Variants in YTHDC1 observed in about 807,000 individuals in gnomAD.
YTHDC1 encodes YTH domain-containing protein 1.
Under a neutral mutation model 107.0 loss-of-function variants are expected in YTHDC1, and 12 were observed. That is an observed-to-expected ratio of 0.11 (90% CI 0.07 to 0.18). The LOEUF (loss-of-function observed/expected upper bound fraction) is 0.18, where lower values mean the gene tolerates loss of function less well. Among genes scored for constraint, YTHDC1 ranks in the 10% least tolerant of loss-of-function variants. The probability of loss-of-function intolerance (pLI) is 1.00; values close to 1 mark genes in which losing one functional copy is unlikely to be tolerated. For synonymous variants in YTHDC1, 280 were observed against 289.5 expected (o/e 0.97, Z 0.33); for missense variants, 635 against 898.8 (o/e 0.71, Z 3.75).
rs1721502886 is a variant in YTHDC1 at position 68,313,760 on chromosome 4, G to A, written c.*339C>T. The A allele has an allele frequency of 4.0e-6, 1 of 252,564 alleles. No individual in the cohort carries two copies. Among genetic ancestry groups the A allele is most frequent in the East Asian group, 8.6e-5 (1 of 11,602 alleles). 15.6% of individuals were successfully genotyped at this position (252,564 alleles called of 1,614,324 possible). A position where few individuals can be genotyped will look rare whatever the true frequency, so the allele number is the denominator to read the frequency against. On this transcript the variant is annotated 3_prime_UTR_variant, in exon 17 of 17. Coordinates refer to ENST00000344157, the MANE Select transcript of YTHDC1 (RefSeq NM_001031732.4). ...AAATATCATGGCAGTTATCAATCAA[G>A]ATCCAAAAAGGAAAAAAACAAACAA...
intron 1 of YTHDC1, among the ~76,000 whole-genome samples, chr4:68,343,062 C>G (rs1043106955): frequency 6.6e-6 from 1 of 152,010 alleles, no homozygotes; most frequent in Non-Finnish European, 1.5e-5. Flanking sequence ...ATTAGAAATG[C>G]CAGGTTAAGA....
Position 68,337,317 on chromosome 4 carries a change from GTGT to G in YTHDC1, c.590_592del (p.Asn197del). Reference sequence around the variant, plus strand: ...TTCCACTCCTTCCTCCTCATTCTCAGTGTTGTTCCCTTGCTCATCAGAAGAACC... The same window carrying G: ...TTCCACTCCTTCCTCCTCATTCTCAGTGTTCCCTTGCTCATCAGAAGAACC... On this transcript the variant is annotated inframe_deletion, in exon 4 of 17. Transcript: ENST00000344157. 2 of 1,613,090 alleles carry G rather than the reference GTGT, an allele frequency of 1.2e-6. No individual in the cohort carries two copies. Among genetic ancestry groups the G allele is most frequent in the Non-Finnish European group, 1.7e-6 (2 of 1,179,874 alleles).
chr4:68,345,265 T>G (rs909418161), intron 1 of YTHDC1, among the ~76,000 whole-genome samples: 1 of 152,172 alleles, frequency 6.6e-6, no homozygotes, highest in African/African-American at 2.4e-5. Context: ...CATTTTTTAC[T>G]GCAGAAGCTT....
At chr4:68,340,267 C>T (rs1176868292) in intron 1 of YTHDC1, among the ~76,000 whole-genome samples, 1 of 151,986 alleles carries the variant, frequency 6.6e-6, no homozygotes, top group African/African-American at 2.4e-5. Flanking sequence ...TATCATTTTC[C>T]TTTACATTTG....
intron 9 of YTHDC1, among the ~76,000 whole-genome samples, chr4:68,327,364 C>T (rs1402610753): frequency 6.6e-6 from 1 of 152,154 alleles, no homozygotes; most frequent in African/African-American, 2.4e-5. Flanking sequence ...TTTCATAGAT[C>T]ATGCCTTATT....
intron 1 of YTHDC1, among the ~76,000 whole-genome samples, chr4:68,339,517 A>G (rs1220467045): frequency 6.6e-6 from 1 of 152,234 alleles, no homozygotes; most frequent in African/African-American, 2.4e-5. Context: ...CAAAGTCCTT[A>G]TAACACATAT....
chr4:68,343,697 G>A (rs573031482), intron 1 of YTHDC1, among the ~76,000 whole-genome samples: 87 of 151,700 alleles, frequency 5.7e-4, no homozygotes, highest in Middle Eastern at 3.4e-3. Flanking sequence ...CCACCACGCC[G>A]AGCTAAATTT....
intron 1 of YTHDC1, among the ~76,000 whole-genome samples, chr4:68,344,965 C>T (rs868506060): frequency 6.6e-6 from 1 of 152,056 alleles, no homozygotes; most frequent in African/African-American, 2.4e-5. Flanking sequence ...TGGGAGGTCG[C>T]GGCTGCAGTG....
At chr4:68,341,934 T>C (rs1038701846) in intron 1 of YTHDC1, among the ~76,000 whole-genome samples, 3 of 152,150 alleles carry the variant, frequency 2.0e-5, no homozygotes, top group Admixed American at 6.5e-5. Context: ...TTTCAACCTG[T>C]AAGAAGACTC....
chr4:68,324,162 C>T lies in YTHDC1; in HGVS notation c.1411G>A (p.Val471Ile). The change falls in exon 10 of 17, where the codon GTA (valine) becomes ATA (isoleucine). Residue 471 changes from valine to isoleucine, a missense_variant. Around this residue, in one of 5 missense-constraint regions of YTHDC1, gnomAD observed 256 missense variants for 372.9 expected, o/e 0.69. Coordinates refer to ENST00000344157, the MANE Select transcript of YTHDC1 (RefSeq NM_001031732.4). ...LTNPWNEHKP[V>I]KIGRDGQEIE... is the part of the protein sequence containing the mutation. ...ACCTGTCCATCACGTCCGATCTTTA[C>T]TGGTTTATGTTCATTCCAAGGATTG... 1 of 1,613,800 alleles carries T rather than the reference C, an allele frequency of 6.2e-7. No homozygotes were observed. The highest frequency in any genetic ancestry group is 8.5e-7 in the Non-Finnish European group (1 of 1,179,854).
chr4:68,325,976 AAGTCCACAT>A (rs1236155953), intron 9 of YTHDC1, among the ~76,000 whole-genome samples: 1 of 152,140 alleles, frequency 6.6e-6, no homozygotes, highest in Non-Finnish European at 1.5e-5. Context: ...AGACTAGAAC[AAGTCCACAT>A]CAAAGCTTGA....
chr4:68,324,066 G>A lies in YTHDC1; in HGVS notation c.1434+73C>T, dbSNP rs114762116. ...CTCTTTCATCAGAAACGGTTAAAAC[G>A]AATACATCAATAAAGATCTCTAAAA... is the stretch of plus-strand genomic sequence containing the variant. On this transcript the variant is annotated intron_variant, in intron 10 of 16. Transcript: ENST00000344157. The A allele has an allele frequency of 1.3e-3, 1,700 of 1,343,976 alleles. 15 individuals carry two copies. The African/African-American group carries it at 0.021, about 17-fold the overall frequency. The allele number at this position is 1,343,976 out of a possible 1,614,324, so 83.3% of individuals were successfully genotyped here.
chr4:68,321,475 C>T (rs1418191695), intron 11 of YTHDC1, among the ~76,000 whole-genome samples: 2 of 152,176 alleles, frequency 1.3e-5, no homozygotes, highest in African/African-American at 4.8e-5. Flanking sequence ...AAGCCACATA[C>T]ATAAATGGAG....
In YTHDC1 at chr4:68,318,714, A is replaced by G. The variant is rs771724845; in HGVS notation, c.1737T>C (p.Val579=). ...CCCCATTTAAAAACACATCTCGGCG[A>G]ACTCCTGAAAATCGTCTGTTGGGAA... ...YQEVDRRFSG[V]RRDVFLNGSY... is the part of the protein sequence containing the mutation. The change falls in exon 14 of 17, where the codon GTT becomes GTC. Residue 579 remains valine, a synonymous_variant. Transcript: ENST00000344157. 5.6e-6 allele frequency: 9 copies of G among 1,614,162 alleles called. No homozygotes were observed. Among genetic ancestry groups the G allele is most frequent in the Non-Finnish European group, 5.9e-6 (7 of 1,180,024 alleles).
rs1429378427 is a variant in YTHDC1, at chr4:68,350,077, C to T, written c.-324G>A. 4.1e-6 allele frequency: 2 copies of T among 492,150 alleles called. No individual in the cohort carries two copies. Among genetic ancestry groups the T allele is most frequent in the Admixed American group, 7.0e-5 (2 of 28,520 alleles). The allele number at this position is 492,150 out of a possible 1,614,324, so 30.5% of individuals were successfully genotyped here. On this transcript the variant is annotated 5_prime_UTR_variant, in exon 1 of 17. Coordinates refer to ENST00000344157, the MANE Select transcript of YTHDC1 (RefSeq NM_001031732.4). ...GAGCCTGCTTCCTGCGCGAAACAAT[C>T]CCGCTCCCGAAATGCCCTGCGCTGT...
chr4:68,333,524 T>C, intron 4 of YTHDC1, 127 bp from the exon 5 acceptor site: 1 of 578,638 alleles, frequency 1.7e-6, no homozygotes, highest in Admixed American at 3.1e-5. Flanking sequence ...TCCTCTCTCC[T>C]GATCCCTCAA....
intron 5 of YTHDC1, among the ~76,000 whole-genome samples, 174 bp from the exon 6 acceptor site, chr4:68,333,021 T>C (rs536461735): frequency 6.6e-6 from 1 of 152,252 alleles, no homozygotes; most frequent in African/African-American, 2.4e-5. Context: ...TTGGGTTGTT[T>C]GGATTTTTTT....
In YTHDC1 at chr4:68,312,544, G is replaced by C. The variant is rs188241340; in HGVS notation, c.*1555C>G. The stretch of plus-strand genomic sequence containing the variant: ...ACTTTTTCCTCTCTACCACAATGCA[G>C]ATTTAAAACAAATCCTCAGGCTTTA... On this transcript the variant is annotated 3_prime_UTR_variant, in exon 17 of 17. Coordinates refer to ENST00000344157, the MANE Select transcript of YTHDC1 (RefSeq NM_001031732.4). 271 of 152,270 alleles carry C rather than the reference G, an allele frequency of 1.8e-3. 1 individual carries two copies. The highest frequency in any genetic ancestry group is 6.2e-3 in the African/African-American group (257 of 41,568). 9.4% of individuals were successfully genotyped at this position (152,270 alleles called of 1,614,324 possible). A position where few individuals can be genotyped will look rare whatever the true frequency, so the allele number is the denominator to read the frequency against.
intron 13 of YTHDC1, 44 bp downstream of exon 13, chr4:68,318,782 C>G: frequency 6.2e-7 from 1 of 1,614,058 alleles, no homozygotes; most frequent in Non-Finnish European, 8.5e-7. Context: ...TAAACTAGTT[C>G]CAAGAATGTA....
Sources: allele counts gnomAD v4.1 joint callset (sites outside exome capture counted in the v4.1 genomes callset), GRCh38; gene constraint gnomAD v4.1.1; regional missense constraint gnomAD v4.1.1; transcripts MANE v1.5; gene names NCBI Gene and HGNC (gene_info 2026-07-23, HGNC 2026-07-21).